COL4A5: variants seen among roughly 807,000 people sequenced by gnomAD.
The protein encoded by COL4A5 is collagen alpha-5(IV) chain.
In COL4A5, 26 loss-of-function variants were observed where a neutral mutation model predicts 130.2. The observed-to-expected ratio is 0.20, with a 90% CI of 0.15 to 0.28. The LOEUF is 0.28. COL4A5 is among the 10% of genes least tolerant of loss of function. The pLI is 1.00. For missense variants in COL4A5, 1,131 were observed against 1,344.3 expected (o/e 0.84, Z 2.48); for synonymous variants, 496 against 439.6 (o/e 1.13, Z -1.60).
chrX:108,493,553 T>G (rs1289703043), intron 1 of COL4A5, among the ~76,000 whole-genome samples: 1 of 111,386 alleles, frequency 9.0e-6, no homozygotes, highest in Non-Finnish European at 1.9e-5. Context: ...ATATCTCATG[T>G]TGGTGAATCA....
intron 29 of COL4A5, among the ~76,000 whole-genome samples, chrX:108,610,387 C>T (rs1052569169): frequency 8.1e-5 from 9 of 110,960 alleles, no homozygotes; most frequent in African/African-American, 2.9e-4. Context: ...CAGCAAAAGC[C>T]CCAGACTAGC....
At chrX:108,664,140 G>A (rs765893161) in intron 37 of COL4A5, among the ~76,000 whole-genome samples, 13 of 111,345 alleles carry the variant, frequency 1.2e-4, no homozygotes, top group East Asian at 2.8e-4. Context: ...AGCCGTGATC[G>A]CGCCACCGCA....
At chrX:108,579,097 C>A (rs1179103180) in intron 13 of COL4A5, among the ~76,000 whole-genome samples, 11 of 111,445 alleles carry the variant, frequency 9.9e-5, no homozygotes, top group African/African-American at 3.3e-4. Flanking sequence ...GTGAAACTAT[C>A]AGTGCAATCT....
chrX:108,622,527 C>T, intron 32 of COL4A5, 149 bp from the exon 33 acceptor site: 1 of 558,042 alleles, frequency 1.8e-6, no homozygotes, highest in Non-Finnish European at 3.1e-6. Context: ...TGTATGCACT[C>T]AAGTAATTCA....
chrX:108,689,673 C>A (rs1325251557), intron 49 of COL4A5: 7 of 752,649 alleles, frequency 9.3e-6, no homozygotes, highest in Non-Finnish European at 1.1e-5. Context: ...GCAGCTGTCA[C>A]TTTGATGTTA....
chrX:108,691,910 G>A (rs1322199675), intron 49 of COL4A5, among the ~76,000 whole-genome samples: 2 of 111,777 alleles, frequency 1.8e-5, no homozygotes, highest in Non-Finnish European at 3.8e-5. Context: ...AGGTAGAAAT[G>A]TGGTTTGCAA....
chrX:108,620,199 A>G, intron 30 of COL4A5, 60 bp from the exon 31 acceptor site: 1 of 1,005,927 alleles, frequency 9.9e-7, no homozygotes, highest in Non-Finnish European at 1.4e-6. Flanking sequence ...TAGAAATATA[A>G]CCAGATACAT....
intron 29 of COL4A5, among the ~76,000 whole-genome samples, chrX:108,607,820 G>A (rs911938721): frequency 9.0e-6 from 1 of 111,495 alleles, no homozygotes; most frequent in Non-Finnish European, 1.9e-5. Flanking sequence ...TCTTAAAGGA[G>A]AAGGTATTTT....
chrX:108,622,353 G>A (rs1318962591), intron 32 of COL4A5, among the ~76,000 whole-genome samples: 1 of 111,098 alleles, frequency 9.0e-6, no homozygotes, highest in Non-Finnish European at 1.9e-5. Flanking sequence ...GGATGGTCTC[G>A]ATCTCCTGAC....
At chrX:108,538,545 A>G (rs2065487567) in intron 1 of COL4A5, among the ~76,000 whole-genome samples, 1 of 111,547 alleles carries the variant, frequency 9.0e-6, no homozygotes, top group Non-Finnish European at 1.9e-5. Flanking sequence ...TAAGGTCAGT[A>G]CTTTCAAAAG....
chrX:108,448,907 C>T (rs1211065978), intron 1 of COL4A5, among the ~76,000 whole-genome samples: 2 of 111,568 alleles, frequency 1.8e-5, no homozygotes, highest in African/African-American at 6.5e-5. Context: ...CCCTCATACT[C>T]TCAAGATGGC....
At chrX:108,468,614 G>A (rs2064732940) in intron 1 of COL4A5, among the ~76,000 whole-genome samples, 1 of 106,985 alleles carries the variant, frequency 9.3e-6, no homozygotes, top group Non-Finnish European at 1.9e-5. Flanking sequence ...TCATTGAGAT[G>A]ATCCAAATGT....
chrX:108,550,775 G>A (rs1028946790), intron 2 of COL4A5, among the ~76,000 whole-genome samples: 9 of 111,771 alleles, frequency 8.1e-5, no homozygotes, highest in African/African-American at 2.9e-4. Context: ...TGTAGAAAAT[G>A]TTATGACATA....
intron 36 of COL4A5, among the ~76,000 whole-genome samples, chrX:108,631,898 C>T (rs936692782): frequency 1.8e-5 from 2 of 110,455 alleles, no homozygotes; most frequent in African/African-American, 6.6e-5. Flanking sequence ...AAATCGACAC[C>T]CTAACATCAA....
intron 1 of COL4A5, among the ~76,000 whole-genome samples, chrX:108,535,439 T>C (rs1470191188): frequency 9.0e-6 from 1 of 111,588 alleles, no homozygotes; most frequent in African/African-American, 3.3e-5. Flanking sequence ...AAGTTTACTA[T>C]GAAGGCATGT....
intron 4 of COL4A5, among the ~76,000 whole-genome samples, chrX:108,566,685 G>A (rs1053750934): frequency 9.1e-6 from 1 of 110,357 alleles, no homozygotes; most frequent in Admixed American, 9.7e-5. Context: ...AGTAGCTGGG[G>A]CTACAGGCGT....
intron 21 of COL4A5, among the ~76,000 whole-genome samples, chrX:108,592,311 T>C (rs919526673): frequency 9.0e-6 from 1 of 111,435 alleles, no homozygotes; most frequent in Non-Finnish European, 1.9e-5. Context: ...TTTCCTCTTA[T>C]TTCCCCAAGG....
chrX:108,576,465 A>G (rs2066151861), intron 10 of COL4A5, among the ~76,000 whole-genome samples: 1 of 111,892 alleles, frequency 8.9e-6, no homozygotes, highest in Non-Finnish European at 1.9e-5. Flanking sequence ...AAAAACTTCT[A>G]CAGATCCTGA....
At chrX:108,527,816 T>TTTAGG (rs2065341715) in intron 1 of COL4A5, among the ~76,000 whole-genome samples, 1 of 110,882 alleles carries the variant, frequency 9.0e-6, no homozygotes, top group Non-Finnish European at 1.9e-5. Flanking sequence ...GGGCCTAAAC[T>TTTAGG]CCCAACCACT....
Sources: allele counts gnomAD v4.1 joint callset (sites outside exome capture counted in the v4.1 genomes callset), GRCh38; gene constraint gnomAD v4.1.1; transcripts MANE v1.5; gene names NCBI Gene and HGNC (gene_info 2026-07-23, HGNC 2026-07-21).